RBFOX1: variants seen among roughly 807,000 people sequenced by gnomAD.
RBFOX1 encodes RNA binding protein fox-1 homolog 1.
In RBFOX1, 8 loss-of-function variants were observed where a neutral mutation model predicts 57.7. The observed-to-expected ratio is 0.14, with a 90% CI of 0.08 to 0.25. The LOEUF (loss-of-function observed/expected upper bound fraction) is 0.25. Among genes scored for constraint, RBFOX1 ranks in the 10% least tolerant of loss-of-function variants. RBFOX1 has a pLI of 1.00. For missense variants in RBFOX1, 611 were observed against 548.5 expected (o/e 1.11, Z -1.14); for synonymous variants, 326 against 222.4 (o/e 1.47, Z -4.15).
intron 4 of RBFOX1, among the ~76,000 whole-genome samples, chr16:7,123,416 G>C (rs1344130191): frequency 1.3e-5 from 2 of 152,102 alleles, no homozygotes; most frequent in African/African-American, 4.8e-5. Context: ...CCAGGCTGGA[G>C]TACAGTGGTG....
At chr16:7,518,922 C>A (rs1230072101) in intron 5 of RBFOX1, among the ~76,000 whole-genome samples, 1 of 152,118 alleles carries the variant, frequency 6.6e-6, no homozygotes, top group Non-Finnish European at 1.5e-5. Flanking sequence ...ACTTGGGAGA[C>A]TGAGGTGGGA....
chr16:6,518,740 T>C (rs1316852753), intron 2 of RBFOX1, among the ~76,000 whole-genome samples: 3 of 151,748 alleles, frequency 2.0e-5, no homozygotes, highest in African/African-American at 4.9e-5. Flanking sequence ...CATCCATCTA[T>C]CTCTGTCTGT....
At chr16:7,510,419 G>A in intron 4 of RBFOX1, 1 of 872,528 alleles carries the variant, frequency 1.1e-6, no homozygotes, top group Non-Finnish European at 1.4e-6. Flanking sequence ...CACGTAGCTT[G>A]CTGCTTGAAT....
At chr16:5,356,379 G>C (rs7206895) in intron 1 of RBFOX1, among the ~76,000 whole-genome samples, 152,180 of 152,358 alleles carry the variant, frequency 1, 76,001 homozygotes, top group Non-Finnish European at 1. Context: ...AATGACAGCC[G>C]TAGGAAACTC....
chr16:5,694,190 A>G (rs747880982), intron 3 of RBFOX1, among the ~76,000 whole-genome samples: 5 of 152,172 alleles, frequency 3.3e-5, no homozygotes, highest in Non-Finnish European at 5.9e-5. Context: ...TGCATTTTTC[A>G]CAGCCTAACT....
At chr16:6,650,063 C>A (rs965835531) in intron 2 of RBFOX1, among the ~76,000 whole-genome samples, 27 of 152,140 alleles carry the variant, frequency 1.8e-4, no homozygotes, top group African/African-American at 6.5e-4. Flanking sequence ...ATACGGATTT[C>A]ATTTCCTTTG....
At chr16:6,676,951 C>A (rs1603354643) in intron 3 of RBFOX1, among the ~76,000 whole-genome samples, 1 of 151,070 alleles carries the variant, frequency 6.6e-6, no homozygotes, top group East Asian at 1.9e-4. Flanking sequence ...GCTGGGATTA[C>A]AGGCATGAGC....
At chr16:6,300,550 T>G (rs1483127605) in intron 1 of RBFOX1, among the ~76,000 whole-genome samples, 1 of 152,158 alleles carries the variant, frequency 6.6e-6, no homozygotes, top group Non-Finnish European at 1.5e-5. Context: ...TTTAGCGGAG[T>G]ACTCATTAAA....
At chr16:5,995,093 T>G (rs974546006) in intron 4 of RBFOX1, among the ~76,000 whole-genome samples, 6 of 152,254 alleles carry the variant, frequency 3.9e-5, no homozygotes, top group African/African-American at 7.2e-5. Context: ...CCAAGTCTTC[T>G]TGAAGTACAT....
intron 1 of RBFOX1, among the ~76,000 whole-genome samples, chr16:5,424,931 CTTTCTCTCTCT>C (rs1567490097): frequency 4.3e-4 from 36 of 83,810 alleles, no homozygotes; most frequent in Non-Finnish European, 7.5e-4. Flanking sequence ...TTCTTTCTTT[CTTTCTCTCTCT>C]TCTTTCTTCC....
intron 3 of RBFOX1, among the ~76,000 whole-genome samples, chr16:5,636,218 G>A (rs1431840940): frequency 6.6e-6 from 1 of 152,132 alleles, no homozygotes; most frequent in East Asian, 1.9e-4. Context: ...TATGGTAGCA[G>A]ATGCCTGTAG....
At chr16:6,363,094 T>C (rs1049582039) in intron 2 of RBFOX1, among the ~76,000 whole-genome samples, 1 of 152,188 alleles carries the variant, frequency 6.6e-6, no homozygotes, top group Admixed American at 6.5e-5. Flanking sequence ...GAAGAATCAT[T>C]TTTTAACTTT....
At chr16:7,557,192 G>A (rs920403301) in intron 5 of RBFOX1, among the ~76,000 whole-genome samples, 8 of 152,132 alleles carry the variant, frequency 5.3e-5, no homozygotes, top group East Asian at 1.9e-4. Context: ...TCATGGGGCC[G>A]GGTCTCGAAC....
chr16:6,822,037 C>G (rs141259851), intron 3 of RBFOX1, among the ~76,000 whole-genome samples: 4 of 152,246 alleles, frequency 2.6e-5, no homozygotes, highest in East Asian at 1.9e-4. Context: ...GTTGTATAGA[C>G]TTGACAAGTG....
chr16:5,867,096 A>G (rs73517126), intron 3 of RBFOX1, among the ~76,000 whole-genome samples: 3,658 of 152,094 alleles, frequency 0.024, 174 homozygotes, highest in African/African-American at 0.084. Flanking sequence ...TATTCACCTT[A>G]TTAACAGGGC....
At chr16:5,267,633 T>A (rs1166848656) in intron 1 of RBFOX1, among the ~76,000 whole-genome samples, 1 of 152,176 alleles carries the variant, frequency 6.6e-6, no homozygotes, top group African/African-American at 2.4e-5. Context: ...AGGGAAACTC[T>A]GGCAAGATTG....
chr16:6,489,590 T>C (rs1321075764), intron 2 of RBFOX1, among the ~76,000 whole-genome samples: 2 of 152,172 alleles, frequency 1.3e-5, no homozygotes, highest in African/African-American at 2.4e-5. Context: ...CTTCTAAATG[T>C]ACAGAAGCCT....
At chr16:7,105,672 T>A (rs933900520) in intron 4 of RBFOX1, among the ~76,000 whole-genome samples, 1 of 152,064 alleles carries the variant, frequency 6.6e-6, no homozygotes, top group East Asian at 1.9e-4. Flanking sequence ...TCATATTCCA[T>A]CATATCTATC....
At chr16:5,502,374 G>A (rs867107071) in intron 2 of RBFOX1, among the ~76,000 whole-genome samples, 8 of 151,724 alleles carry the variant, frequency 5.3e-5, no homozygotes, top group South Asian at 4.2e-4. Context: ...GACACTGTAG[G>A]GGTGGGATGT....
Sources: allele counts gnomAD v4.1 joint callset (sites outside exome capture counted in the v4.1 genomes callset), GRCh38; gene constraint gnomAD v4.1.1; transcripts MANE v1.5; gene names NCBI Gene and HGNC (gene_info 2026-07-23, HGNC 2026-07-21).